KDM4C: variants seen among roughly 807,000 people sequenced by gnomAD.
KDM4C encodes lysine demethylase 4C.
KDM4C carries 81 observed loss-of-function variants against 129.3 expected under a neutral mutation model. That is an observed-to-expected ratio of 0.63 (90% confidence interval 0.52 to 0.75). The LOEUF (loss-of-function observed/expected upper bound fraction) is 0.75, where lower values mean the gene tolerates loss of function less well. KDM4C is among the 30% of genes least tolerant of loss of function. KDM4C has a pLI of 0.00. For synonymous variants in KDM4C, 573 were observed against 456.1 expected, an observed-to-expected ratio of 1.26 and a Z score of -3.26; for missense variants, 1,457 against 1,304.0, an observed-to-expected ratio of 1.12 and a Z score of -1.81.
chr9:7,044,834 C>T (rs1829158304), intron 15 of KDM4C, among the ~76,000 whole-genome samples: 1 of 151,760 alleles, frequency 6.6e-6, no homozygotes, highest in Non-Finnish European at 1.5e-5. Flanking sequence ...TACAGAAATT[C>T]CAGTGTGTGA....
intron 1 of KDM4C, among the ~76,000 whole-genome samples, chr9:6,789,005 C>T (rs970634907): frequency 2.7e-5 from 4 of 150,892 alleles, no homozygotes; most frequent in Admixed American, 6.6e-5. Context: ...TGATGATGGA[C>T]GAGGCCATAG....
intron 19 of KDM4C, among the ~76,000 whole-genome samples, chr9:7,158,110 C>G (rs530998426): frequency 2.0e-5 from 3 of 152,180 alleles, no homozygotes; most frequent in Non-Finnish European, 2.9e-5. Flanking sequence ...AGGAATTTAT[C>G]CATTTCTTCT....
intron 5 of KDM4C, among the ~76,000 whole-genome samples, chr9:6,877,362 G>A (rs535410657): frequency 8.5e-5 from 13 of 152,158 alleles, no homozygotes; most frequent in Middle Eastern, 3.4e-3. Context: ...CACCACACCC[G>A]GATAATTTTT....
At chr9:7,011,584 T>C (rs1196826970) in intron 12 of KDM4C, 114 bp from the exon 13 acceptor site, 1 of 908,922 alleles carries the variant, frequency 1.1e-6, no homozygotes, top group Non-Finnish European at 1.7e-6. Flanking sequence ...AAAGTAGGTT[T>C]GGTTTCCGGC....
At chr9:7,154,815 A>G (rs1345755548) in intron 19 of KDM4C, among the ~76,000 whole-genome samples, 2 of 152,186 alleles carry the variant, frequency 1.3e-5, no homozygotes, top group Non-Finnish European at 1.5e-5. Flanking sequence ...TCCAGACACC[A>G]GTGTCCTTGT....
chr9:6,766,094 A>C (rs553819293), intron 1 of KDM4C, among the ~76,000 whole-genome samples: 10 of 152,328 alleles, frequency 6.6e-5, no homozygotes, highest in African/African-American at 2.2e-4. Context: ...TGGCAAAGTA[A>C]ATATTTTAAA....
rs547956468 is a variant in KDM4C at position 6,867,372 on chromosome 9, T to G, written c.630-12640T>G. Among the ~76,000 whole-genome samples the G allele has an allele frequency of 6.6e-5, 10 of 152,328 alleles. No individual in the cohort carries two copies. In the South Asian group the frequency reaches 2.1e-3, roughly 32 times the overall value. The stretch of plus-strand genomic sequence containing the variant: ...GGTTGTGGGAGGAGTGAATCCAGCT[T>G]GCTTCTATAGCACCATTTTGGTATC... On this transcript the variant is annotated intron_variant, in intron 5 of 21. Coordinates refer to ENST00000381309, the MANE Select transcript of KDM4C (RefSeq NM_015061.6).
At chr9:6,919,277 C>CTTTCTTTCTTTCTG (rs1416409064) in intron 8 of KDM4C, among the ~76,000 whole-genome samples, 2 of 34,604 alleles carry the variant, frequency 5.8e-5, no homozygotes, top group Non-Finnish European at 1.5e-4. Flanking sequence ...CTTTCTGTCT[C>CTTTCTTTCTTTCTG]TCTCTCTCTC....
At chr9:6,949,647 C>T (rs375277363) in intron 8 of KDM4C, among the ~76,000 whole-genome samples, 52 of 152,274 alleles carry the variant, frequency 3.4e-4, no homozygotes, top group East Asian at 5.8e-4. Flanking sequence ...GAGACCAGCC[C>T]GGCCAACACA....
intron 5 of KDM4C, among the ~76,000 whole-genome samples, chr9:6,870,288 G>T (rs1158696378): frequency 6.6e-6 from 1 of 151,984 alleles, no homozygotes; most frequent in African/African-American, 2.4e-5. Context: ...TCCCTTGGAG[G>T]ACAGATGGGC....
intron 7 of KDM4C, 137 bp from the exon 8 acceptor site, chr9:6,892,958 C>G: frequency 1.9e-6 from 1 of 539,676 alleles, no homozygotes; most frequent in Non-Finnish European, 2.9e-6. Context: ...AGTAATGAAT[C>G]TGGTGGAACT....
intron 1 of KDM4C, among the ~76,000 whole-genome samples, chr9:6,774,407 G>C (rs1375557976): frequency 2.0e-5 from 3 of 151,524 alleles, no homozygotes; most frequent in African/African-American, 7.3e-5. Flanking sequence ...GCTCATGCCT[G>C]TAATCCCAGC....
At chr9:6,834,802 C>T (rs776772929) in intron 4 of KDM4C, 78 of 1,366,716 alleles carry the variant, frequency 5.7e-5, no homozygotes, top group Admixed American at 8.4e-5. Flanking sequence ...AGGCCAGCCG[C>T]GAGAAGATGA....
intron 8 of KDM4C, among the ~76,000 whole-genome samples, chr9:6,972,694 C>G (rs959235981): frequency 6.6e-6 from 1 of 152,162 alleles, no homozygotes; most frequent in Non-Finnish European, 1.5e-5. Flanking sequence ...TGTTAGGCAG[C>G]TAATGGTAAC....
Position 6,980,528 on chromosome 9 carries a change from A to G in KDM4C, c.922-397A>G, listed in dbSNP as rs1053473598. 2.4e-4 allele frequency among the ~76,000 whole-genome samples: 36 copies of G among 152,348 alleles called. 1 individual carries two copies. Among genetic ancestry groups the G allele is most frequent in the Admixed American group, 2.0e-3 (30 of 15,292 alleles). Reference sequence around the variant, plus strand: ...TCACTGGTTAAAGTATTCTAATCACACATTCATTGGGTTATTTTATTTGTT... The same window carrying G: ...TCACTGGTTAAAGTATTCTAATCACGCATTCATTGGGTTATTTTATTTGTT... On this transcript the variant is annotated intron_variant, in intron 8 of 21. Transcript: ENST00000381309.
intron 12 of KDM4C, among the ~76,000 whole-genome samples, chr9:7,003,362 C>T (rs577889667): frequency 6.6e-6 from 1 of 151,430 alleles, no homozygotes; most frequent in Non-Finnish European, 1.5e-5. Context: ...TAAGAAACTT[C>T]AGCCACGCTG....
At position 7,049,073 on chromosome 9, in the gene KDM4C, A is replaced by T; in HGVS notation, c.2316-19A>T. ...GTTTAGGGAACTTTTGTTTATGTTT[A>T]ATGTCTCCTTTCCTGTAGGTGGGCC... On this transcript the variant is annotated intron_variant, in intron 16 of 21. Transcript: ENST00000381309. 1.3e-6 allele frequency: 2 copies of T among 1,565,176 alleles called. No homozygotes were observed. Among genetic ancestry groups the T allele is most frequent in the African/African-American group, 1.4e-5 (1 of 73,836 alleles).
At chr9:7,061,299 C>A (rs1006543568) in intron 17 of KDM4C, among the ~76,000 whole-genome samples, 1 of 152,162 alleles carries the variant, frequency 6.6e-6, no homozygotes, top group East Asian at 1.9e-4. Flanking sequence ...TATTCAGATA[C>A]ACCAGGATGC....
chr9:7,169,247 G>A (rs117063827), intron 20 of KDM4C, among the ~76,000 whole-genome samples: 3,624 of 152,164 alleles, frequency 0.024, 104 homozygotes, highest in East Asian at 0.14. Flanking sequence ...TTGTTGCTTC[G>A]CCAGATAAAG....
Sources: gnomAD v4.1 joint callset for allele counts (sites outside exome capture counted in the v4.1 genomes callset) on GRCh38, gnomAD v4.1.1 for gene constraint, MANE v1.5 for transcripts, NCBI Gene and HGNC (gene_info 2026-07-23, HGNC 2026-07-21) for gene names.